Variants in PDS5B observed in about 807,000 individuals in gnomAD.
PDS5B encodes the protein PDS5 cohesin associated factor B.
A neutral mutation model predicts 184.1 loss-of-function variants in PDS5B; 51 were observed. That is an observed-to-expected ratio of 0.28 (90% CI 0.22 to 0.35). The LOEUF (loss-of-function observed/expected upper bound fraction) is 0.35. Among genes scored for constraint, PDS5B ranks in the 10% least tolerant of loss-of-function variants. The pLI, the probability that PDS5B is intolerant of heterozygous loss-of-function variation, is 1.00. For missense variants in PDS5B, 1,180 were observed against 1,723.3 expected (o/e 0.68, Z 5.58); for synonymous variants, 566 against 569.2 (o/e 0.99, Z 0.08).
chr13:32,643,589 G>A (rs1413176612), intron 1 of PDS5B, among the ~76,000 whole-genome samples: 1 of 151,938 alleles, frequency 6.6e-6, no homozygotes, highest in African/African-American at 2.4e-5. Flanking sequence ...GGTTCCATAA[G>A]CTTATAATAC....
At chr13:32,661,034 T>TA (rs1409530433) in intron 6 of PDS5B, among the ~76,000 whole-genome samples, 1 of 151,890 alleles carries the variant, frequency 6.6e-6, no homozygotes, top group Non-Finnish European at 1.5e-5. Flanking sequence ...TGATAAGAGG[T>TA]AAAAAATGTA....
At chr13:32,696,246 G>A (rs1439172115) in intron 14 of PDS5B, among the ~76,000 whole-genome samples, 1 of 151,818 alleles carries the variant, frequency 6.6e-6, no homozygotes, top group African/African-American at 2.4e-5. Flanking sequence ...TTTTGTTTCT[G>A]GTTTTTAAAA....
intron 24 of PDS5B, among the ~76,000 whole-genome samples, chr13:32,749,795 C>T (rs1305467802): frequency 6.6e-6 from 1 of 151,344 alleles, no homozygotes; most frequent in East Asian, 1.9e-4. Context: ...ATTTTATAGT[C>T]AGTAGTGAAT....
At chr13:32,619,209 A>T (rs1005965802) in intron 1 of PDS5B, among the ~76,000 whole-genome samples, 1 of 152,146 alleles carries the variant, frequency 6.6e-6, no homozygotes, top group African/African-American at 2.4e-5. Context: ...GATATTGAGC[A>T]TCTTTATGAT....
Position 32,617,809 on chromosome 13 carries a change from T to C in PDS5B, c.-19-30945T>C, listed in dbSNP as rs187901094. On this transcript the variant is annotated intron_variant, in intron 1 of 34. Transcript: ENST00000315596. ...TTTTGCAGTGTGCTGCTAATCTTAC[T>C]GTTGGGTTGTGTTTTTCATCATTAT... Among the ~76,000 whole-genome samples, 3 of 152,360 alleles carry C rather than the reference T, an allele frequency of 2.0e-5. No individual in the cohort carries two copies. The East Asian group carries it at 5.8e-4, about 29-fold the overall frequency.
intron 3 of PDS5B, among the ~76,000 whole-genome samples, chr13:32,657,410 CT>C (rs1298153832): frequency 2.0e-5 from 3 of 152,136 alleles, no homozygotes; most frequent in African/African-American, 7.2e-5. Context: ...TTTCTGTTTG[CT>C]TGGTAGATTT....
chr13:32,738,473 T>G (rs1346248611), intron 21 of PDS5B, among the ~76,000 whole-genome samples: 1 of 152,200 alleles, frequency 6.6e-6, no homozygotes, highest in East Asian at 1.9e-4. Context: ...ACCATTCATG[T>G]TGCCTACTTT....
At chr13:32,692,362 G>T (rs528089520) in intron 13 of PDS5B, among the ~76,000 whole-genome samples, 1 of 144,800 alleles carries the variant, frequency 6.9e-6, no homozygotes, top group East Asian at 2.1e-4. Context: ...AGATGGTATC[G>T]GGGTCTTTGT....
At chr13:32,681,714 C>G (rs1351770050) in intron 10 of PDS5B, among the ~76,000 whole-genome samples, 2 of 151,802 alleles carry the variant, frequency 1.3e-5, no homozygotes, top group East Asian at 3.9e-4. Context: ...ATACCCTGTT[C>G]CATTTTACGT....
rs777576101 is a variant in PDS5B at position 32,687,218 on chromosome 13, G to A, written c.1288G>A (p.Ala430Thr). Reference protein sequence around the residue: ...ALQSAAGKDAAKQIAWIKDKL... With the variant: ...ALQSAAGKDATKQIAWIKDKL... ...ACAGTCAGCAGCTGGAAAAGATGCT[G>A]CAAAACAGATAGCATGGATCAAAGA... The change falls in exon 12 of 35, where the codon GCA (alanine) becomes ACA (threonine). Residue 430 changes from alanine (A) to threonine (T), a missense_variant. Physicochemically the swap from Ala to Thr is moderately conservative, Grantham distance 58 (BLOSUM62 0). This residue lies in a region of PDS5B where 475 missense variants were observed against 691.5 expected (regional missense o/e 0.69). Coordinates refer to ENST00000315596, the MANE Select transcript of PDS5B (RefSeq NM_015032.4). The A allele has an allele frequency of 4.4e-6, 7 of 1,607,732 alleles. No homozygotes were observed. Among genetic ancestry groups the A allele is most frequent in the Non-Finnish European group, 3.4e-6 (4 of 1,177,434 alleles).
Position 32,695,024 on chromosome 13 carries a change from A to T in PDS5B, c.1551+720A>T, listed in dbSNP as rs549139790. The stretch of plus-strand genomic sequence containing the variant: ...TCCACACATACACTTCATAGGACAG[A>T]GGTCAATGGAGCAGTGTTGTTTTCA... On this transcript the variant is annotated intron_variant, in intron 14 of 34. Coordinates refer to ENST00000315596, the MANE Select transcript of PDS5B (RefSeq NM_015032.4). 1.8e-4 allele frequency among the ~76,000 whole-genome samples: 28 copies of T among 151,976 alleles called. No individual in the cohort carries two copies. The South Asian group carries it at 5.6e-3, about 30-fold the overall frequency.
At chr13:32,715,370 C>T (rs533078908) in intron 19 of PDS5B, among the ~76,000 whole-genome samples, 4 of 152,106 alleles carry the variant, frequency 2.6e-5, no homozygotes, top group Non-Finnish European at 5.9e-5. Context: ...TATGCTTTTC[C>T]GTCTGGAACT....
intron 19 of PDS5B, among the ~76,000 whole-genome samples, chr13:32,723,620 G>A (rs1445527920): frequency 6.6e-6 from 1 of 152,068 alleles, no homozygotes; most frequent in African/African-American, 2.4e-5. Context: ...ATGAGCTAAA[G>A]GTTTCACATA....
intron 10 of PDS5B, among the ~76,000 whole-genome samples, chr13:32,681,875 A>G (rs1176639536): frequency 6.6e-6 from 1 of 152,210 alleles, no homozygotes; most frequent in African/African-American, 2.4e-5. Flanking sequence ...AATAAAATGA[A>G]TAGATAAAAC....
At chr13:32,737,474 A>G (rs907270587) in intron 21 of PDS5B, among the ~76,000 whole-genome samples, 2 of 152,178 alleles carry the variant, frequency 1.3e-5, no homozygotes, top group African/African-American at 4.8e-5. Context: ...TTTCAGAATC[A>G]TTAATCGTCT....
chr13:32,630,081 C>T (rs1276208388), intron 1 of PDS5B, among the ~76,000 whole-genome samples: 1 of 152,188 alleles, frequency 6.6e-6, no homozygotes, highest in Non-Finnish European at 1.5e-5. Flanking sequence ...TTCTTCACAT[C>T]CTTGAGATAT....
intron 31 of PDS5B, among the ~76,000 whole-genome samples, chr13:32,766,582 T>G (rs1954594699): frequency 1.3e-5 from 2 of 152,210 alleles, no homozygotes; most frequent in African/African-American, 4.8e-5. Context: ...CAGTAGATTA[T>G]AATGAAAGAG....
At chr13:32,595,480 G>A (rs1377015608) in intron 1 of PDS5B, among the ~76,000 whole-genome samples, 1 of 152,120 alleles carries the variant, frequency 6.6e-6, no homozygotes, top group African/African-American at 2.4e-5. Context: ...CCTTCTGGGG[G>A]TTTCAAAACA....
intron 26 of PDS5B, among the ~76,000 whole-genome samples, 193 bp from the exon 27 acceptor site, chr13:32,757,894 A>G (rs950551587): frequency 2.0e-5 from 3 of 150,950 alleles, no homozygotes; most frequent in Non-Finnish European, 4.4e-5. Context: ...TCATATCTGC[A>G]TTGTTGACCT....
Sources: allele counts gnomAD v4.1 joint callset (sites outside exome capture counted in the v4.1 genomes callset), GRCh38; gene constraint gnomAD v4.1.1; regional missense constraint gnomAD v4.1.1; transcripts MANE v1.5; gene names NCBI Gene and HGNC (gene_info 2026-07-23, HGNC 2026-07-21).